CHMP2B: variants seen among roughly 807,000 people sequenced by gnomAD.
CHMP2B encodes the protein charged multivesicular body protein 2B, also known as VPS2 homolog B.
CHMP2B carries 22 observed loss-of-function variants against 29.8 expected under a neutral mutation model. That is an observed-to-expected ratio of 0.74 (90% CI 0.53 to 1.05). The LOEUF is 1.05. Ranked by LOEUF, CHMP2B falls within the 50% of genes least tolerant of loss-of-function variation. CHMP2B has a pLI of 0.00. For missense variants in CHMP2B, 261 were observed against 252.2 expected (o/e 1.03, Z -0.24); for synonymous variants, 78 against 75.8 (o/e 1.03, Z -0.15).
rs1706198448 is a variant in CHMP2B at position 87,245,708 on chromosome 3, T to C, written c.127-6T>C. On this transcript the variant is annotated splice_region_variant and splice_polypyrimidine_tract_variant and intron_variant, in intron 2 of 5. Transcript: ENST00000263780. ...TTTATTTTCTTTTGTTTGTTTCTTCTCTTAGGAATTAGAAATTAAGAAAAT... is the reference window on the plus strand; with the variant it reads ...TTTATTTTCTTTTGTTTGTTTCTTCCCTTAGGAATTAGAAATTAAGAAAAT... 6.2e-7 allele frequency: 1 copy of C among 1,609,406 alleles called. No homozygotes were observed. The highest frequency in any genetic ancestry group is 1.3e-5 in the African/African-American group (1 of 74,768).
intron 1 of CHMP2B, among the ~76,000 whole-genome samples, chr3:87,237,602 T>G (rs936945544): frequency 6.6e-6 from 1 of 152,236 alleles, no homozygotes; most frequent in Non-Finnish European, 1.5e-5. Context: ...CACTAGTATC[T>G]AGGAAATATT....
At chr3:87,249,682 T>C (rs1387766479) in intron 3 of CHMP2B, among the ~76,000 whole-genome samples, 193 bp from the exon 4 acceptor site, 2 of 152,080 alleles carry the variant, frequency 1.3e-5, no homozygotes, top group Non-Finnish European at 2.9e-5. Context: ...CTTTATTATA[T>C]AGATGTTAAG....
rs1044501214 is a variant in CHMP2B, at chr3:87,255,369, T to C, written c.*1547T>C. The C allele has an allele frequency of 6.6e-6, 1 of 152,494 alleles. No homozygotes were observed. The highest frequency in any genetic ancestry group is 1.5e-5 in the Non-Finnish European group (1 of 67,948). The allele number at this position is 152,494 out of a possible 1,614,324, so 9.4% of individuals were successfully genotyped here. ...ATGGAATGTTTACCAGAACATGTTT[T>C]GATTCTTGAATGTACATAATAATGC... is the stretch of plus-strand genomic sequence containing the variant. On this transcript the variant is annotated 3_prime_UTR_variant, in exon 6 of 6. Coordinates refer to ENST00000263780, the MANE Select transcript of CHMP2B (RefSeq NM_014043.4).
At chr3:87,235,073 T>A (rs1705977068) in intron 1 of CHMP2B, among the ~76,000 whole-genome samples, 1 of 152,208 alleles carries the variant, frequency 6.6e-6, no homozygotes, top group African/African-American at 2.4e-5. Flanking sequence ...CTAGTAAGTA[T>A]GATATATTGG....
Position 87,254,947 on chromosome 3 carries a change from T to C in CHMP2B, c.*1125T>C, listed in dbSNP as rs1706378898. 1 of 152,028 alleles carries C rather than the reference T, an allele frequency of 6.6e-6. No homozygotes were observed. The highest frequency in any genetic ancestry group is 2.1e-4 in the South Asian group (1 of 4,832). 9.4% of individuals were successfully genotyped at this position (152,028 alleles called of 1,614,324 possible). On this transcript the variant is annotated 3_prime_UTR_variant, in exon 6 of 6. Transcript: ENST00000263780. ...ACTATCTAAATGTGTATTAGCAGTA[T>C]TTTTTAAGGTGAAATTGCCTTGGTA...
At chr3:87,237,482 TG>T (rs1466983069) in intron 1 of CHMP2B, among the ~76,000 whole-genome samples, 2 of 152,206 alleles carry the variant, frequency 1.3e-5, no homozygotes, top group African/African-American at 4.8e-5. Context: ...TTCAGCCATC[TG>T]AACTATGAGA....
In CHMP2B at chr3:87,253,793, C is replaced by T. The variant is rs373536428; in HGVS notation, c.613C>T (p.Arg205Trp). 3.4e-5 allele frequency: 55 copies of T among 1,611,638 alleles called. No individual in the cohort carries two copies. The highest frequency in any genetic ancestry group is 1.1e-4 in the East Asian group (5 of 44,824). The change falls in exon 6 of 6, where the codon CGG becomes TGG. Residue 205 changes from arginine to tryptophan, a missense_variant. By Grantham distance (101) the Arg-to-Trp change is moderately radical. Coordinates refer to ENST00000263780, the MANE Select transcript of CHMP2B (RefSeq NM_014043.4). ...TACAATCTCAGATGAAGAGATTGAA[C>T]GGCAACTCAAGGCTTTAGGAGTAGA... ...KATISDEEIE[R>W]QLKALGVD
chr3:87,240,811 C>T (rs748144379), intron 2 of CHMP2B, 21 bp downstream of exon 2: 3 of 1,581,460 alleles, frequency 1.9e-6, no homozygotes, highest in Middle Eastern at 1.7e-4. Flanking sequence ...CGTTAAATTT[C>T]AGTTTAACTT....
At chr3:87,252,849 G>C (rs1706339686) in intron 4 of CHMP2B, among the ~76,000 whole-genome samples, 1 of 151,968 alleles carries the variant, frequency 6.6e-6, no homozygotes, top group African/African-American at 2.4e-5. Context: ...GGAGGGAAGA[G>C]AGGTAGAAAA....
rs1706349790 is a variant in CHMP2B at position 87,253,408 on chromosome 3, T to C, written c.429T>C (p.Asn143=). The change falls in exon 5 of 6, where the codon AAT becomes AAC. Residue 143 remains asparagine (N), a synonymous_variant. Transcript: ENST00000263780. The stretch of plus-strand genomic sequence containing the variant: ...TCCTTCTCCCATATCCCCTAGTCAA[T>C]GATACACTTGATGACATCTTTGACG... ...MKMEMTEEMI[N]DTLDDIFDGS... 1.9e-6 allele frequency: 3 copies of C among 1,591,424 alleles called. No homozygotes were observed. The highest frequency in any genetic ancestry group is 2.6e-6 in the Non-Finnish European group (3 of 1,159,778).
chr3:87,232,208 A>C (rs1467466273), intron 1 of CHMP2B, among the ~76,000 whole-genome samples: 1 of 152,138 alleles, frequency 6.6e-6, no homozygotes, highest in Non-Finnish European at 1.5e-5. Context: ...CATTGGGATG[A>C]TATTTGTATA....
intron 3 of CHMP2B, among the ~76,000 whole-genome samples, chr3:87,247,126 G>A (rs181539548): frequency 2.6e-5 from 4 of 152,246 alleles, no homozygotes; most frequent in Admixed American, 6.5e-5. Context: ...CCATGAAGTC[G>A]GGAACACTGA....
intron 4 of CHMP2B, 42 bp from the exon 5 acceptor site, chr3:87,253,362 G>A: frequency 8.5e-7 from 1 of 1,176,332 alleles, no homozygotes; most frequent in African/African-American, 1.5e-5. Flanking sequence ...CCTGAAGTTT[G>A]TTTGAAAGTA....
intron 1 of CHMP2B, among the ~76,000 whole-genome samples, chr3:87,228,097 A>T (rs535936880): frequency 1.3e-5 from 2 of 152,190 alleles, no homozygotes; most frequent in African/African-American, 4.8e-5. Context: ...GTAGAAAAAT[A>T]AACCCAAGGG....
At chr3:87,227,605 G>T (rs961904685) in intron 1 of CHMP2B, 49 bp downstream of exon 1, 4 of 1,610,620 alleles carry the variant, frequency 2.5e-6, no homozygotes, top group Non-Finnish European at 3.4e-6. Flanking sequence ...TTTTCTCGGC[G>T]TCTTTCGAGG....
intron 1 of CHMP2B, among the ~76,000 whole-genome samples, chr3:87,233,722 T>G (rs371434335): frequency 1.4e-4 from 21 of 152,312 alleles, no homozygotes; most frequent in African/African-American, 5.1e-4. Flanking sequence ...CTTGATACCT[T>G]AAAACCAGTT....
At chr3:87,250,841 A>C (rs2106914019) in intron 4 of CHMP2B, among the ~76,000 whole-genome samples, 1 of 151,954 alleles carries the variant, frequency 6.6e-6, no homozygotes, top group African/African-American at 2.4e-5. Context: ...GTTGGTTTGT[A>C]CTACCAATTC....
intron 1 of CHMP2B, among the ~76,000 whole-genome samples, chr3:87,234,371 G>C (rs971849368): frequency 1.3e-5 from 2 of 152,138 alleles, no homozygotes; most frequent in Non-Finnish European, 2.9e-5. Context: ...AACACCTTGT[G>C]TCTCTTAAGT....
intron 1 of CHMP2B, among the ~76,000 whole-genome samples, chr3:87,234,370 T>G (rs145304388): frequency 1.3e-3 from 195 of 152,328 alleles, no homozygotes; most frequent in Non-Finnish European, 2.2e-3. Flanking sequence ...AAACACCTTG[T>G]GTCTCTTAAG....
Sources: allele counts gnomAD v4.1 joint callset (sites outside exome capture counted in the v4.1 genomes callset), GRCh38; gene constraint gnomAD v4.1.1; transcripts MANE v1.5; gene names NCBI Gene and HGNC (gene_info 2026-07-23, HGNC 2026-07-21).